SLC10A7: variants seen among roughly 807,000 people sequenced by gnomAD.
SLC10A7 encodes sodium/bile acid cotransporter 7.
Under a neutral mutation model 43.2 loss-of-function variants are expected in SLC10A7, and 29 were observed. The observed-to-expected ratio is 0.67, with a 90% CI of 0.50 to 0.92. The LOEUF (loss-of-function observed/expected upper bound fraction) is 0.92, where lower values mean the gene tolerates loss of function less well. Among genes scored for constraint, SLC10A7 ranks in the 40% least tolerant of loss-of-function variants. SLC10A7 has a pLI of 0.00. For missense variants in SLC10A7, 295 were observed against 403.2 expected, an observed-to-expected ratio of 0.73 and a Z score of 2.30; for synonymous variants, 152 against 144.8, an observed-to-expected ratio of 1.05 and a Z score of -0.35.
chr4:146,344,136 T>C (rs1734452163), intron 5 of SLC10A7, among the ~76,000 whole-genome samples: 2 of 151,968 alleles, frequency 1.3e-5, no homozygotes, highest in South Asian at 4.2e-4. Context: ...ATAAACACAG[T>C]TAAGTTGCAG....
In SLC10A7 at chr4:146,521,804, A is replaced by G. The variant is rs187788620; in HGVS notation, c.-87T>C. On this transcript the variant is annotated 5_prime_UTR_variant, in exon 1 of 12. Transcript: ENST00000335472. ...CACCTAATCCTTGGAGCGTCTCCACACTTTCCTTGGTCCCTCCAGACATGC... is the reference window on the plus strand; with the variant it reads ...CACCTAATCCTTGGAGCGTCTCCACGCTTTCCTTGGTCCCTCCAGACATGC... 2.1e-3 allele frequency: 2,310 copies of G among 1,089,944 alleles called. 28 individuals are homozygous for G. The Admixed American group carries it at 0.025, about 12-fold the overall frequency. The allele number at this position is 1,089,944 out of a possible 1,614,324, so 67.5% of individuals were successfully genotyped here.
intron 9 of SLC10A7, among the ~76,000 whole-genome samples, chr4:146,284,688 A>G (rs1029128532): frequency 6.6e-6 from 1 of 152,178 alleles, no homozygotes; most frequent in Non-Finnish European, 1.5e-5. Flanking sequence ...GTATAATAAG[A>G]CTGGCTTAAT....
intron 4 of SLC10A7, among the ~76,000 whole-genome samples, chr4:146,466,000 AC>A (rs1290415501): frequency 6.6e-6 from 1 of 152,176 alleles, no homozygotes; most frequent in Non-Finnish European, 1.5e-5. Flanking sequence ...TGTATTTTCT[AC>A]ATAGTTCTAA....
At chr4:146,340,296 T>C (rs1734170253) in intron 5 of SLC10A7, among the ~76,000 whole-genome samples, 1 of 151,834 alleles carries the variant, frequency 6.6e-6, no homozygotes, top group Non-Finnish European at 1.5e-5. Context: ...CTTATCAGTT[T>C]ATAAGAACTG....
intron 7 of SLC10A7, among the ~76,000 whole-genome samples, chr4:146,304,888 T>C (rs552804330): frequency 7.4e-4 from 112 of 152,146 alleles, no homozygotes; most frequent in African/African-American, 2.7e-3. Flanking sequence ...GGAGTCTAAG[T>C]CTCTTTGTAG....
At chr4:146,442,254 T>TAG (rs1211698403) in intron 5 of SLC10A7, 5 of 934,692 alleles carry the variant, frequency 5.3e-6, no homozygotes, top group Non-Finnish European at 6.4e-6. Flanking sequence ...TATATATATA[T>TAG]AGATACAACA....
chr4:146,270,546 GCCTAT>G (rs1363419689), intron 10 of SLC10A7, among the ~76,000 whole-genome samples: 1 of 152,202 alleles, frequency 6.6e-6, no homozygotes, highest in Non-Finnish European at 1.5e-5. Flanking sequence ...TGCTGCCTGG[GCCTAT>G]CCTGACAGAT....
At chr4:146,335,438 A>G (rs1733830501) in intron 5 of SLC10A7, among the ~76,000 whole-genome samples, 1 of 151,982 alleles carries the variant, frequency 6.6e-6, no homozygotes, top group Admixed American at 6.6e-5. Flanking sequence ...ATTCCAGGAA[A>G]GGAATACTGA....
At chr4:146,332,522 T>A (rs1240208037) in intron 5 of SLC10A7, among the ~76,000 whole-genome samples, 2 of 152,164 alleles carry the variant, frequency 1.3e-5, no homozygotes, top group Non-Finnish European at 2.9e-5. Flanking sequence ...AAGTGTGTAG[T>A]ACCTCCTACC....
At chr4:146,483,323 A>G (rs1475622064) in intron 4 of SLC10A7, among the ~76,000 whole-genome samples, 2 of 152,186 alleles carry the variant, frequency 1.3e-5, no homozygotes, top group Non-Finnish European at 2.9e-5. Context: ...GTAAATTTTA[A>G]GATTAAAAAC....
intron 4 of SLC10A7, among the ~76,000 whole-genome samples, chr4:146,461,338 T>G (rs919353149): frequency 1.3e-5 from 2 of 152,010 alleles, no homozygotes; most frequent in African/African-American, 4.8e-5. Flanking sequence ...TTTCATTAAG[T>G]GGGAAACACA....
At chr4:146,415,817 T>C (rs930766290) in intron 5 of SLC10A7, among the ~76,000 whole-genome samples, 1 of 152,224 alleles carries the variant, frequency 6.6e-6, no homozygotes, top group Non-Finnish European at 1.5e-5. Context: ...TTATTTGCAG[T>C]ATGACTATTT....
At chr4:146,483,450 C>A (rs1037195471) in intron 4 of SLC10A7, among the ~76,000 whole-genome samples, 10 of 150,954 alleles carry the variant, frequency 6.6e-5, no homozygotes, top group Admixed American at 1.3e-4. Context: ...CACACACACA[C>A]AAAAAAAAAA....
intron 4 of SLC10A7, among the ~76,000 whole-genome samples, chr4:146,457,092 A>G (rs1732130131): frequency 6.6e-6 from 1 of 151,988 alleles, no homozygotes; most frequent in Non-Finnish European, 1.5e-5. Flanking sequence ...TAGGCAATAT[A>G]TAAACTAATG....
At chr4:146,437,053 TTTA>T (rs1162106560) in intron 5 of SLC10A7, among the ~76,000 whole-genome samples, 1 of 152,068 alleles carries the variant, frequency 6.6e-6, no homozygotes, top group Non-Finnish European at 1.5e-5. Flanking sequence ...TCTTAAATAT[TTTA>T]TTATTTCTTC....
chr4:146,519,227 TATATATTATATATAATA>T (rs1398431848), intron 1 of SLC10A7, among the ~76,000 whole-genome samples: 2 of 139,958 alleles, frequency 1.4e-5, no homozygotes, highest in Non-Finnish European at 3.1e-5. Flanking sequence ...TGAGAGAGAA[TATATATTATATATAATA>T]ATATATTTTA....
At chr4:146,305,481 A>G (rs1189664420) in intron 7 of SLC10A7, among the ~76,000 whole-genome samples, 1 of 150,988 alleles carries the variant, frequency 6.6e-6, no homozygotes, top group Non-Finnish European at 1.5e-5. Flanking sequence ...GCTAGATGAC[A>G]AGTTAGTGGG....
At chr4:146,476,319 T>C (rs1377889055) in intron 4 of SLC10A7, among the ~76,000 whole-genome samples, 9 of 152,184 alleles carry the variant, frequency 5.9e-5, no homozygotes, top group Admixed American at 5.2e-4. Flanking sequence ...GGTGCAGTAA[T>C]GGCCCATGAG....
At chr4:146,430,500 A>G (rs1023217960) in intron 5 of SLC10A7, among the ~76,000 whole-genome samples, 1 of 152,206 alleles carries the variant, frequency 6.6e-6, no homozygotes, top group Non-Finnish European at 1.5e-5. Context: ...ACCTAGGAAC[A>G]CTGCAGAAAA....
Sources: allele counts gnomAD v4.1 joint callset (sites outside exome capture counted in the v4.1 genomes callset), GRCh38; gene constraint gnomAD v4.1.1; transcripts MANE v1.5; gene names NCBI Gene and HGNC (gene_info 2026-07-23, HGNC 2026-07-21).